The following LRR1 variants were observed in gnomAD, a reference collection of about 807,000 sequenced individuals.
LRR1 encodes the protein leucine rich repeat protein 1, also known as leucine-rich repeat protein 1.
A neutral mutation model predicts 31.6 loss-of-function variants in LRR1; 29 were observed. The observed-to-expected ratio is 0.92, with a 90% CI of 0.68 to 1.25. The LOEUF is 1.25. Ranked by LOEUF, LRR1 falls within the 50% of genes most tolerant of loss-of-function variation. LRR1 has a pLI of 0.00. For synonymous variants in LRR1, 179 were observed against 181.4 expected, an observed-to-expected ratio of 0.99 and a Z score of 0.10; for missense variants, 485 against 487.2, an observed-to-expected ratio of 1.00 and a Z score of 0.04.
intron 3 of LRR1, among the ~76,000 whole-genome samples, chr14:49,612,967 A>C (rs986653277): frequency 9.2e-5 from 14 of 152,092 alleles, no homozygotes; most frequent in African/African-American, 3.4e-4. Flanking sequence ...TGGGAGGCCG[A>C]GGTGGGCGGA....
chr14:49,601,102 G>T, intron 1 of LRR1: 1 of 1,611,164 alleles, frequency 6.2e-7, no homozygotes, highest in Non-Finnish European at 8.5e-7. Flanking sequence ...CGCTCCAAGC[G>T]TACAGGAGAT....
chr14:49,599,071 G>A lies in LRR1; in HGVS notation c.51G>A (p.Leu17=). Residue 17 remains leucine, a synonymous_variant, in exon 1 of 4, where the codon TTG becomes TTA. Transcript: ENST00000298288. ...VEVISRHLPA[L]GLRNRGKGVR... Reference sequence around the variant, plus strand: ...TGATCAGCCGGCACTTGCCCGCCTTGGGGCTTAGGAACCGGGGCAAGGGCG... The same window carrying A: ...TGATCAGCCGGCACTTGCCCGCCTTAGGGCTTAGGAACCGGGGCAAGGGCG... 3 of 1,609,838 alleles carry A rather than the reference G, an allele frequency of 1.9e-6. No individual in the cohort carries two copies. Among genetic ancestry groups the A allele is most frequent in the Non-Finnish European group, 2.5e-6 (3 of 1,178,218 alleles).
intron 3 of LRR1, among the ~76,000 whole-genome samples, chr14:49,610,991 T>C (rs1053280246): frequency 6.6e-6 from 1 of 152,172 alleles, no homozygotes; most frequent in East Asian, 1.9e-4. Flanking sequence ...AGAGGGGCTC[T>C]TAAAACTGAC....
chr14:49,599,151 G>C lies in LRR1; in HGVS notation c.131G>C (p.Arg44Pro), dbSNP rs1344326786. 1.9e-6 allele frequency: 3 copies of C among 1,608,700 alleles called. No individual in the cohort carries two copies. Among genetic ancestry groups the C allele is most frequent in the Admixed American group, 3.4e-5 (2 of 59,064 alleles). Residue 44 changes from arginine (R) to proline (P), a missense_variant, in exon 1 of 4, where the codon CGA becomes CCA. Arg to Pro is a moderately radical substitution (Grantham distance 103). This residue lies in a region of LRR1 where 260 missense variants were observed against 249.6 expected (regional missense o/e 1.04). Transcript: ENST00000298288. Reference protein sequence around the residue: ...QQTSRSQPPVRAFLLISTLKD... With the variant: ...QQTSRSQPPVPAFLLISTLKD... ...ACTTCCAGGAGTCAGCCGCCGGTCCGAGCCTTCCTGCTCATCTCCACCCTG... is the reference window on the plus strand; with the variant it reads ...ACTTCCAGGAGTCAGCCGCCGGTCCCAGCCTTCCTGCTCATCTCCACCCTG...
Position 49,608,008 on chromosome 14 carries a change from A to G in LRR1, c.891A>G (p.Glu297=), listed in dbSNP as rs757887089. 24 of 1,613,852 alleles carry G rather than the reference A, an allele frequency of 1.5e-5. No homozygotes were observed. Among genetic ancestry groups the G allele is most frequent in the Non-Finnish European group, 1.8e-5 (21 of 1,179,984 alleles). The change falls in exon 3 of 4, where the codon GAA becomes GAG. Residue 297 remains glutamate, a synonymous_variant. Transcript: ENST00000298288. Reference sequence around the variant, plus strand: ...GTGAATTTAGAAATTTATCCCTTGAATACTTGGATCTTTTTGGAAATACTT... The same window carrying G: ...GTGAATTTAGAAATTTATCCCTTGAGTACTTGGATCTTTTTGGAAATACTT... ...LPSEFRNLSL[E]YLDLFGNTFE...
At chr14:49,600,589 T>C in intron 1 of LRR1, 1 of 1,559,168 alleles carries the variant, frequency 6.4e-7, no homozygotes, top group Non-Finnish European at 8.7e-7. Flanking sequence ...GATCAAGATG[T>C]ATAAACTGTT....
Position 49,603,589 on chromosome 14 carries a change from G to GGGA in LRR1, c.282+1122_282+1124dup, listed in dbSNP as rs985105505. On this transcript the variant is annotated intron_variant, in intron 2 of 3. Transcript: ENST00000298288. ...TCTGTCACCCAGGTTGGAGTGCAGT[G>GGGA]GGAAGAGCTTGGTTCACTGCAACCC... 8 of 1,060,962 alleles carry GGGA rather than the reference G, an allele frequency of 7.5e-6. No homozygotes were observed. In the African/African-American group the frequency reaches 1.5e-4, roughly 20 times the overall value. The allele number at this position is 1,060,962 out of a possible 1,614,324, so 65.7% of individuals were successfully genotyped here.
At chr14:49,606,008 AAC>A in intron 2 of LRR1, among the ~76,000 whole-genome samples, 1 of 150,922 alleles carries the variant, frequency 6.6e-6, no homozygotes, top group East Asian at 1.9e-4. Context: ...TCCATGTTCC[AAC>A]AAAAATTAGC....
chr14:49,603,596 G>A, intron 2 of LRR1: 1 of 1,074,872 alleles, frequency 9.3e-7, no homozygotes, highest in African/African-American at 1.9e-5. Flanking sequence ...AGTGGGAAGA[G>A]CTTGGTTCAC....
chr14:49,602,301 T>C (rs761708129), intron 1 of LRR1, 69 bp from the exon 2 acceptor site: 8 of 1,340,366 alleles, frequency 6.0e-6, no homozygotes, highest in Non-Finnish European at 6.4e-6. Context: ...TGGCACATTC[T>C]AGTTGTAATA....
chr14:49,601,461 A>T (rs1038638531), intron 1 of LRR1: 37 of 557,248 alleles, frequency 6.6e-5, no homozygotes, highest in Middle Eastern at 5.3e-4. Context: ...AATTTTTTTT[A>T]AATTTTAAAT....
At chr14:49,612,387 T>C in intron 3 of LRR1, 1 of 989,072 alleles carries the variant, frequency 1.0e-6, no homozygotes, top group South Asian at 2.1e-5. Context: ...CATACAGTTA[T>C]GATCTATTAG....
chr14:49,610,491 G>A (rs1272213206), intron 3 of LRR1, among the ~76,000 whole-genome samples: 1 of 151,898 alleles, frequency 6.6e-6, no homozygotes, highest in East Asian at 1.9e-4. Flanking sequence ...CTGGCCTCAA[G>A]CAATCCACCT....
intron 2 of LRR1, among the ~76,000 whole-genome samples, chr14:49,606,257 C>T (rs942558574): frequency 3.9e-5 from 6 of 152,092 alleles, no homozygotes; most frequent in African/African-American, 1.2e-4. Context: ...GAACTCCTAA[C>T]CTCAGGTGAT....
intron 3 of LRR1, chr14:49,612,673 G>T: frequency 9.8e-7 from 1 of 1,021,502 alleles, no homozygotes; most frequent in Non-Finnish European, 1.2e-6. Context: ...AGACTTTTCT[G>T]ACAGGGTTTT....
chr14:49,601,598 T>A (rs1882054213), intron 1 of LRR1: 1 of 1,288,274 alleles, frequency 7.8e-7, no homozygotes. Flanking sequence ...AGTTTGTATA[T>A]AACCTACTGG....
chr14:49,608,561 C>G (rs1334107688), intron 3 of LRR1, among the ~76,000 whole-genome samples: 2 of 151,240 alleles, frequency 1.3e-5, no homozygotes, highest in Admixed American at 6.6e-5. Flanking sequence ...GTTTTATTCT[C>G]CACTATTTCC....
Position 49,603,710 on chromosome 14 carries a change from A to ATTTTTTTTTTTTTTTTTTT in LRR1, c.282+1243_282+1244insTTTTTTTTTTTTTTTTTTT, listed in dbSNP as rs1566493069. 7 of 132,724 alleles carry ATTTTTTTTTTTTTTTTTTT rather than the reference A, an allele frequency of 5.3e-5. 1 individual carries two copies. The highest frequency in any genetic ancestry group is 4.6e-4 in the African/African-American group (6 of 13,076). 8.2% of individuals were successfully genotyped at this position (132,724 alleles called of 1,614,324 possible). ...TTTTTTTTTTTTTTTTTTTTTTTTA[A>ATTTTTTTTTTTTTTTTTTT]TGAGACAGAGTCTCTCCCTGTCACC... On this transcript the variant is annotated intron_variant, in intron 2 of 3. Coordinates refer to ENST00000298288, the MANE Select transcript of LRR1 (RefSeq NM_152329.4).
rs756411227 is a variant in LRR1 at position 49,603,646 on chromosome 14, T to G, written c.282+1178T>G. Reference sequence around the variant, plus strand: ...GGGTGCCACCACTCCTGGCGAATTTTTGTCTACTGTGCCTGGCCCTTACTG... The same window carrying G: ...GGGTGCCACCACTCCTGGCGAATTTGTGTCTACTGTGCCTGGCCCTTACTG... On this transcript the variant is annotated intron_variant, in intron 2 of 3. Transcript: ENST00000298288. 4 of 1,048,430 alleles carry G rather than the reference T, an allele frequency of 3.8e-6. No individual in the cohort carries two copies. In the African/African-American group the frequency reaches 6.9e-5, roughly 18 times the overall value. 64.9% of individuals were successfully genotyped at this position (1,048,430 alleles called of 1,614,324 possible). A position where few individuals can be genotyped will look rare whatever the true frequency, so the allele number is the denominator to read the frequency against.
Sources: allele counts gnomAD v4.1 joint callset (sites outside exome capture counted in the v4.1 genomes callset), GRCh38; gene constraint gnomAD v4.1.1; regional missense constraint gnomAD v4.1.1; transcripts MANE v1.5; gene names NCBI Gene and HGNC (gene_info 2026-07-23, HGNC 2026-07-21).